The following TSPEAR variants were observed in gnomAD, a reference collection of about 807,000 sequenced individuals.
TSPEAR encodes the protein thrombospondin-type laminin G domain and EAR repeat-containing protein.
TSPEAR carries 69 observed loss-of-function variants against 71.6 expected under a neutral mutation model. That is an observed-to-expected ratio of 0.96 (90% CI 0.79 to 1.18). The LOEUF (loss-of-function observed/expected upper bound fraction) is 1.18. TSPEAR is among the 50% of genes most tolerant of loss of function. The pLI is 0.00. For synonymous variants in TSPEAR, 402 were observed against 387.2 expected (o/e 1.04, Z -0.45); for missense variants, 971 against 894.9 (o/e 1.09, Z -1.09).
intron 9 of TSPEAR, among the ~76,000 whole-genome samples, chr21:44,514,536 G>A (rs1402661758): frequency 6.6e-6 from 1 of 152,222 alleles, no homozygotes; most frequent in Non-Finnish European, 1.5e-5. Flanking sequence ...TGCAATCACA[G>A]AAGCACCAAG....
At chr21:44,534,756 G>A (rs193079892) in intron 2 of TSPEAR, among the ~76,000 whole-genome samples, 14 of 152,292 alleles carry the variant, frequency 9.2e-5, no homozygotes, top group Admixed American at 9.2e-4. Flanking sequence ...TAAACAGAAC[G>A]ACCAAATGAT....
At chr21:44,564,112 T>C (rs1242334193) in intron 2 of TSPEAR, among the ~76,000 whole-genome samples, 15 of 152,202 alleles carry the variant, frequency 9.9e-5, no homozygotes, top group African/African-American at 3.4e-4. Flanking sequence ...GAGTGTGCCT[T>C]GTTCAACCTT....
chr21:44,607,279 C>T (rs1370402031), intron 1 of TSPEAR, among the ~76,000 whole-genome samples: 1 of 152,154 alleles, frequency 6.6e-6, no homozygotes, highest in Non-Finnish European at 1.5e-5. Flanking sequence ...AGGGTTTCAC[C>T]ATGTTGGCCA....
chr21:44,542,369 G>A (rs1284462361), intron 2 of TSPEAR, among the ~76,000 whole-genome samples: 1 of 152,146 alleles, frequency 6.6e-6, no homozygotes. Flanking sequence ...TACAAGGAGA[G>A]GAGTGAAATA....
At chr21:44,526,912 C>T (rs1204646603) in intron 7 of TSPEAR, among the ~76,000 whole-genome samples, 3 of 152,212 alleles carry the variant, frequency 2.0e-5, no homozygotes, top group Non-Finnish European at 2.9e-5. Flanking sequence ...CACGTGTCCT[C>T]AACATTTGAG....
chr21:44,580,632 T>A (rs920475900), intron 1 of TSPEAR: 14 of 1,543,736 alleles, frequency 9.1e-6, no homozygotes, highest in Non-Finnish European at 1.2e-5. Flanking sequence ...AGTGAGTGAG[T>A]GTGTGAGTGA....
At chr21:44,706,221 G>GCC (rs1987907120) in intron 1 of TSPEAR, among the ~76,000 whole-genome samples, 2 of 152,220 alleles carry the variant, frequency 1.3e-5, no homozygotes, top group Non-Finnish European at 2.9e-5. Context: ...GGCTCTGGTA[G>GCC]AAACTTCAGA....
At chr21:44,608,125 T>C (rs1480828680) in intron 1 of TSPEAR, among the ~76,000 whole-genome samples, 1 of 152,160 alleles carries the variant, frequency 6.6e-6, no homozygotes, top group Non-Finnish European at 1.5e-5. Context: ...AGATCTTGCT[T>C]GTGGTAGTGG....
At chr21:44,568,407 G>A (rs1369158033) in intron 1 of TSPEAR, among the ~76,000 whole-genome samples, 1 of 152,230 alleles carries the variant, frequency 6.6e-6, no homozygotes, top group East Asian at 1.9e-4. Flanking sequence ...ATGAGACCAG[G>A]CAGGCCCAGG....
chr21:44,644,784 T>C (rs149936694), intron 1 of TSPEAR, among the ~76,000 whole-genome samples: 238 of 152,236 alleles, frequency 1.6e-3, no homozygotes, highest in African/African-American at 5.5e-3. Flanking sequence ...GAAATTATTA[T>C]TAAAAATGGA....
rs1555927008 is a variant in TSPEAR, at chr21:44,592,412, A to G, written c.83-24407T>C. On this transcript the variant is annotated intron_variant, in intron 1 of 11. Coordinates refer to ENST00000323084, the MANE Select transcript of TSPEAR (RefSeq NM_144991.3). ...TGCCAGGAGTCGGAGCAAGAGTCAC[A>G]GGAACCAGGAAGGCAGACGCGGCTG... is the stretch of plus-strand genomic sequence containing the variant. The G allele has an allele frequency of 1.6e-5, 25 of 1,605,686 alleles. No homozygotes were observed. In the East Asian group the frequency reaches 4.5e-4, roughly 29 times the overall value.
chr21:44,616,436 G>A (rs1166468155), intron 1 of TSPEAR, among the ~76,000 whole-genome samples: 1 of 152,128 alleles, frequency 6.6e-6, no homozygotes, highest in East Asian at 1.9e-4. Context: ...AATGTCACAG[G>A]TGTGCAGCCA....
In TSPEAR at chr21:44,499,518, A is replaced by G. The variant is rs372560819; in HGVS notation, c.*265T>C. The stretch of plus-strand genomic sequence containing the variant: ...CTTGACAGCGAAATCCCCGCTTGAC[A>G]CTCAGATGGGCGAGCACTGGCAGGG... On this transcript the variant is annotated 3_prime_UTR_variant, in exon 12 of 12. Transcript: ENST00000323084. The G allele has an allele frequency of 2.4e-5, 11 of 456,252 alleles. No individual in the cohort carries two copies. The South Asian group carries it at 3.8e-4, about 16-fold the overall frequency. 28.3% of individuals were successfully genotyped at this position (456,252 alleles called of 1,614,324 possible).
intron 2 of TSPEAR, among the ~76,000 whole-genome samples, chr21:44,544,432 A>G (rs1245649692): frequency 6.6e-6 from 1 of 152,212 alleles, no homozygotes; most frequent in African/African-American, 2.4e-5. Flanking sequence ...AACTATCTAT[A>G]TTTGTCAAGA....
intron 1 of TSPEAR, chr21:44,647,573 C>G (rs1382008474): frequency 3.2e-6 from 2 of 623,346 alleles, no homozygotes; most frequent in Non-Finnish European, 5.7e-6. Flanking sequence ...TTCTGGAGCC[C>G]CCTTCTCCAA....
intron 1 of TSPEAR, chr21:44,698,070 G>A: frequency 1.8e-6 from 2 of 1,142,316 alleles, no homozygotes; most frequent in Non-Finnish European, 2.5e-6. Context: ...CCTTGGAGAT[G>A]CGTGCACAGC....
intron 9 of TSPEAR, among the ~76,000 whole-genome samples, chr21:44,513,674 T>C (rs1273172654): frequency 6.6e-6 from 1 of 152,198 alleles, no homozygotes; most frequent in African/African-American, 2.4e-5. Context: ...GGGCACCCGG[T>C]AATCAGTGGA....
chr21:44,624,887 C>T (rs895560178), intron 1 of TSPEAR, among the ~76,000 whole-genome samples: 4 of 152,154 alleles, frequency 2.6e-5, no homozygotes, highest in Non-Finnish European at 5.9e-5. Context: ...GATTCACTCA[C>T]TCAAGTCTCA....
intron 1 of TSPEAR, chr21:44,657,974 GCCA>G (rs782082169): frequency 1.9e-6 from 3 of 1,610,824 alleles, no homozygotes; most frequent in African/African-American, 2.7e-5. Context: ...CCAGCCACAC[GCCA>G]CCATGTGCCA....
Sources: gnomAD v4.1 joint callset for allele counts (sites outside exome capture counted in the v4.1 genomes callset) on GRCh38, gnomAD v4.1.1 for gene constraint, MANE v1.5 for transcripts, NCBI Gene and HGNC (gene_info 2026-07-23, HGNC 2026-07-21) for gene names.